NCAM2: variants seen among roughly 807,000 people sequenced by gnomAD.
NCAM2 encodes neural cell adhesion molecule 2.
In NCAM2, 30 loss-of-function variants were observed where a neutral mutation model predicts 98.1. The observed-to-expected ratio is 0.31, with a 90% CI of 0.23 to 0.41. NCAM2 has a LOEUF of 0.41. Ranked by LOEUF, NCAM2 falls within the 10% of genes least tolerant of loss-of-function variation. The pLI, the probability that NCAM2 is intolerant of heterozygous loss-of-function variation, is 1.00. For missense variants in NCAM2, 867 were observed against 1,005.8 expected, an observed-to-expected ratio of 0.86 and a Z score of 1.87; for synonymous variants, 368 against 342.4, an observed-to-expected ratio of 1.07 and a Z score of -0.83.
intron 16 of NCAM2, among the ~76,000 whole-genome samples, chr21:21,518,785 A>C (rs1480608021): frequency 1.3e-5 from 2 of 152,168 alleles, no homozygotes; most frequent in African/African-American, 4.8e-5. Context: ...GGAACAAATT[A>C]GTAAGCAAAG....
chr21:21,165,266 A>G (rs187199478), intron 1 of NCAM2, among the ~76,000 whole-genome samples: 1 of 152,342 alleles, frequency 6.6e-6, no homozygotes, highest in East Asian at 1.9e-4. Flanking sequence ...CAGCACATGC[A>G]AAGTGCTGTC....
intron 1 of NCAM2, among the ~76,000 whole-genome samples, chr21:21,125,349 A>ATATAATATTTTACATATATAT (rs2066766575): frequency 6.8e-6 from 1 of 147,862 alleles, no homozygotes. Context: ...CAGGGTGGGG[A>ATATAATATTTTACATATATAT]GATAATATTT....
intron 9 of NCAM2, among the ~76,000 whole-genome samples, chr21:21,376,003 T>G (rs2076024659): frequency 6.6e-6 from 1 of 151,834 alleles, no homozygotes; most frequent in Admixed American, 6.6e-5. Flanking sequence ...CAAAGCACAG[T>G]AAGGCAGAGT....
chr21:21,182,500 G>T (rs2068512753), intron 1 of NCAM2, among the ~76,000 whole-genome samples: 1 of 152,150 alleles, frequency 6.6e-6, no homozygotes, highest in Admixed American at 6.5e-5. Flanking sequence ...TGCAGAGGCA[G>T]TAGCTTCAAC....
chr21:21,342,312 G>C (rs1203751584), intron 8 of NCAM2, among the ~76,000 whole-genome samples: 1 of 152,096 alleles, frequency 6.6e-6, no homozygotes, highest in Non-Finnish European at 1.5e-5. Context: ...AGTAAGGCTT[G>C]GCCAGATGGA....
chr21:21,255,059 T>G (rs1454172542), intron 1 of NCAM2, among the ~76,000 whole-genome samples: 1 of 152,010 alleles, frequency 6.6e-6, no homozygotes, highest in Non-Finnish European at 1.5e-5. Flanking sequence ...ATATCTTGGA[T>G]AGAATACATA....
At chr21:21,240,300 C>A (rs1170178150) in intron 1 of NCAM2, among the ~76,000 whole-genome samples, 1 of 150,456 alleles carries the variant, frequency 6.6e-6, no homozygotes, top group Non-Finnish European at 1.5e-5. Flanking sequence ...CATATTTTCT[C>A]AAAATTTTAT....
At chr21:21,276,643 C>T (rs1157953134) in intron 1 of NCAM2, among the ~76,000 whole-genome samples, 1 of 152,012 alleles carries the variant, frequency 6.6e-6, no homozygotes, top group Non-Finnish European at 1.5e-5. Context: ...CAAAAATCAG[C>T]CACTAGGGCA....
At position 21,003,146 on chromosome 21, in the gene NCAM2, A is replaced by G. The variant is rs189076985; in HGVS notation, c.55+4528A>G. On this transcript the variant is annotated intron_variant, in intron 1 of 17. Transcript: ENST00000400546. ...ATATCAACATATTTCCTAGTTTTCT[A>G]TGTTCACTTGTGCCACTAAGGATCC... 3.5e-4 allele frequency among the ~76,000 whole-genome samples: 53 copies of G among 152,250 alleles called. No individual in the cohort carries two copies. The East Asian group carries it at 7.7e-3, about 22-fold the overall frequency.
At chr21:21,322,026 A>C (rs981846581) in intron 5 of NCAM2, among the ~76,000 whole-genome samples, 1 of 152,228 alleles carries the variant, frequency 6.6e-6, no homozygotes, top group Non-Finnish European at 1.5e-5. Context: ...TCACAGTGCT[A>C]TTCACAATAG....
chr21:21,381,181 CA>C (rs2076146221), intron 9 of NCAM2, among the ~76,000 whole-genome samples: 1 of 152,132 alleles, frequency 6.6e-6, no homozygotes. Flanking sequence ...TTCTGGGCTA[CA>C]TACAGTCTCT....
chr21:21,530,058 T>G (rs1178227765), intron 16 of NCAM2, among the ~76,000 whole-genome samples: 1 of 146,108 alleles, frequency 6.8e-6, no homozygotes, highest in Non-Finnish European at 1.5e-5. Context: ...AATAAAAATA[T>G]ATATACTTTA....
chr21:21,200,388 A>G (rs1016822237), intron 1 of NCAM2, among the ~76,000 whole-genome samples: 1 of 146,838 alleles, frequency 6.8e-6, no homozygotes, highest in African/African-American at 2.5e-5. Flanking sequence ...TGAGAATTCC[A>G]AGTAAGACAA....
intron 15 of NCAM2, among the ~76,000 whole-genome samples, chr21:21,491,199 A>G (rs1449357111): frequency 6.6e-6 from 1 of 151,998 alleles, no homozygotes; most frequent in African/African-American, 2.4e-5. Context: ...AATATCAAAT[A>G]TTGTTACTTC....
intron 16 of NCAM2, among the ~76,000 whole-genome samples, chr21:21,534,253 T>C (rs1989864846): frequency 6.6e-6 from 1 of 152,102 alleles, no homozygotes. Context: ...AAATAGAATA[T>C]ATACAGTAGG....
chr21:21,230,667 G>C lies in NCAM2; in HGVS notation c.56-49911G>C, dbSNP rs988708738. Among the ~76,000 whole-genome samples the C allele has an allele frequency of 5.3e-5, 8 of 151,318 alleles. No individual in the cohort carries two copies. The Admixed American group carries it at 5.3e-4, about 10-fold the overall frequency. On this transcript the variant is annotated intron_variant, in intron 1 of 17. Transcript: ENST00000400546. ...TCAGTAGGGTGCTTAGCCATAATCT[G>C]TTTTTAAGCATTGTGTCAAAATTGA... is the stretch of plus-strand genomic sequence containing the variant.
At chr21:21,465,219 G>T (rs1234952143) in intron 12 of NCAM2, among the ~76,000 whole-genome samples, 2 of 151,484 alleles carry the variant, frequency 1.3e-5, no homozygotes, top group Admixed American at 6.6e-5. Flanking sequence ...TTTAATTTTG[G>T]ACACAGTACA....
intron 1 of NCAM2, among the ~76,000 whole-genome samples, chr21:21,184,269 A>AC (rs2068567237): frequency 1.3e-5 from 2 of 152,044 alleles, no homozygotes; most frequent in African/African-American, 4.8e-5. Flanking sequence ...AATGCTAGTG[A>AC]CTTCACCTGC....
At chr21:21,212,122 T>C (rs1033106527) in intron 1 of NCAM2, among the ~76,000 whole-genome samples, 2 of 152,146 alleles carry the variant, frequency 1.3e-5, no homozygotes, top group Admixed American at 6.5e-5. Flanking sequence ...CCATAGCAGG[T>C]TTATTTGTAA....
Sources: gnomAD v4.1 joint callset for allele counts (sites outside exome capture counted in the v4.1 genomes callset) on GRCh38, gnomAD v4.1.1 for gene constraint, MANE v1.5 for transcripts, NCBI Gene and HGNC (gene_info 2026-07-23, HGNC 2026-07-21) for gene names.